The following POPDC1 variants were observed in gnomAD, a reference collection of about 807,000 sequenced individuals.
POPDC1 encodes the protein popeye domain cAMP effector 1.
At chr6:105,101,189 G>A in the POPDC1 span, 1 of 1,612,426 alleles carries the variant, frequency 6.2e-7, no homozygotes, top group Non-Finnish European at 8.5e-7. Context: ...CTTGGCAGAG[G>A]CTCGCTGGTG....
chr6:105,123,630 G>T, the POPDC1 span, among the ~76,000 whole-genome samples: 58 of 152,286 alleles, frequency 3.8e-4, no homozygotes, highest in African/African-American at 1.4e-3. Context: ...TCGATCTCCT[G>T]ACCTCGTGAT....
At chr6:105,129,082 G>T in the POPDC1 span, among the ~76,000 whole-genome samples, 1 of 152,036 alleles carries the variant, frequency 6.6e-6, no homozygotes, top group Non-Finnish European at 1.5e-5. Context: ...ATATTTCCAG[G>T]TTAACATCTG....
the POPDC1 span, among the ~76,000 whole-genome samples, chr6:105,128,185 A>G: frequency 2.0e-5 from 3 of 152,200 alleles, no homozygotes; most frequent in Non-Finnish European, 2.9e-5. Flanking sequence ...GTTTCCAATT[A>G]TTCACTGCTC....
the POPDC1 span, chr6:105,100,933 C>A: frequency 1.3e-6 from 1 of 748,972 alleles, no homozygotes; most frequent in Non-Finnish European, 2.0e-6. Context: ...AGTGAAAGAA[C>A]TCTTCCATCC....
the POPDC1 span, among the ~76,000 whole-genome samples, chr6:105,108,798 A>C: frequency 6.6e-6 from 1 of 152,208 alleles, no homozygotes; most frequent in Non-Finnish European, 1.5e-5. Flanking sequence ...TAATCTCAAC[A>C]TTGTTTATTT....
the POPDC1 span, among the ~76,000 whole-genome samples, chr6:105,102,356 G>C: frequency 9.2e-5 from 14 of 152,338 alleles, no homozygotes; most frequent in Non-Finnish European, 1.5e-5. Flanking sequence ...AGACAGCTGG[G>C]TTGGCCAGCA....
chr6:105,120,477 G>T, the POPDC1 span, among the ~76,000 whole-genome samples: 1 of 152,150 alleles, frequency 6.6e-6, no homozygotes, highest in Non-Finnish European at 1.5e-5. Context: ...AATTTTAAAA[G>T]TTTCCATAAA....
chr6:105,114,083 CAG>C, the POPDC1 span, among the ~76,000 whole-genome samples: 25 of 152,152 alleles, frequency 1.6e-4, no homozygotes, highest in Non-Finnish European at 3.2e-4. Context: ...GATGTCGAGG[CAG>C]AGAGAATTCT....
the POPDC1 span, chr6:105,115,791 T>C: frequency 6.2e-7 from 1 of 1,614,104 alleles, no homozygotes; most frequent in Non-Finnish European, 8.5e-7. Context: ...GAGATCTGTG[T>C]GCAGAGGCTG....
chr6:105,109,515 A>G, the POPDC1 span, among the ~76,000 whole-genome samples: 1 of 151,978 alleles, frequency 6.6e-6, no homozygotes, highest in Admixed American at 6.6e-5. Flanking sequence ...AGACGGACAG[A>G]TCACTTGAGC....
the POPDC1 span, among the ~76,000 whole-genome samples, chr6:105,105,336 C>T: frequency 1.2e-3 from 185 of 152,314 alleles, no homozygotes; most frequent in Non-Finnish European, 2.1e-3. Context: ...ATTAGAATCA[C>T]GGAGAGTGTC....
the POPDC1 span, chr6:105,115,805 T>C: frequency 1.2e-6 from 2 of 1,613,640 alleles, no homozygotes; most frequent in Non-Finnish European, 1.7e-6. Context: ...GAGGCTGAGC[T>C]GATGTTCCAG....
At chr6:105,127,606 A>C in the POPDC1 span, among the ~76,000 whole-genome samples, 1 of 150,928 alleles carries the variant, frequency 6.6e-6, no homozygotes, top group Non-Finnish European at 1.5e-5. Flanking sequence ...CATCCAGCTG[A>C]TTTTTAAATT....
chr6:105,124,661 A>T, the POPDC1 span: 1 of 1,548,268 alleles, frequency 6.5e-7, no homozygotes, highest in Admixed American at 1.7e-5. Context: ...TCATTCTGAT[A>T]ACAGAAATTA....
chr6:105,102,611 C>A, the POPDC1 span, among the ~76,000 whole-genome samples: 1,167 of 152,320 alleles, frequency 7.7e-3, 14 homozygotes, highest in Non-Finnish European at 0.013. Context: ...AATTACTATA[C>A]CTTTCTAGGC....
chr6:105,115,335 G>A, the POPDC1 span, among the ~76,000 whole-genome samples: 7 of 152,050 alleles, frequency 4.6e-5, no homozygotes, highest in South Asian at 2.1e-4. Context: ...TGATCCGCCC[G>A]CCTCAGCCTC....
chr6:105,124,764 A>G, the POPDC1 span: 5 of 789,212 alleles, frequency 6.3e-6, no homozygotes, highest in East Asian at 1.3e-4. Context: ...AGTTTTAAAA[A>G]TTCCACAGAG....
chr6:105,099,551 T>C, the POPDC1 span: 1 of 152,190 alleles, frequency 6.6e-6, no homozygotes, highest in Non-Finnish European at 1.5e-5. Flanking sequence ...CCTGGCCAAG[T>C]GCCACAGCCA....
chr6:105,100,630 G>C, the POPDC1 span: 1 of 151,530 alleles, frequency 6.6e-6, no homozygotes, highest in East Asian at 1.9e-4. Context: ...AATAAAGTTT[G>C]AGATTCCCTG....
Sources: allele counts gnomAD v4.1 joint callset (sites outside exome capture counted in the v4.1 genomes callset), GRCh38; gene constraint gnomAD v4.1.1; transcripts MANE v1.5; gene names NCBI Gene and HGNC (gene_info 2026-07-23, HGNC 2026-07-21).